The following USP34 variants were observed in gnomAD, a reference collection of about 807,000 sequenced individuals.
The protein encoded by USP34 is ubiquitin carboxyl-terminal hydrolase 34.
A neutral mutation model predicts 460.3 loss-of-function variants in USP34; 70 were observed. That is an observed-to-expected ratio of 0.15 (90% CI 0.13 to 0.19). USP34 has a LOEUF of 0.19. Among genes scored for constraint, USP34 ranks in the 10% least tolerant of loss-of-function variants. The pLI is 1.00. For synonymous variants in USP34, 1,647 were observed against 1,405.3 expected, an observed-to-expected ratio of 1.17 and a Z score of -3.85; for missense variants, 3,985 against 4,236.2, an observed-to-expected ratio of 0.94 and a Z score of 1.65.
intron 10 of USP34, among the ~76,000 whole-genome samples, chr2:61,359,169 C>CA (rs1692197272): frequency 6.7e-6 from 1 of 149,764 alleles, no homozygotes; most frequent in South Asian, 2.1e-4. Context: ...TTGAAACTTG[C>CA]AAAAAGAAAA....
rs1688735167 is a variant in USP34, at chr2:61,256,815, C to T, written c.6126+58G>A. On this transcript the variant is annotated intron_variant, in intron 47 of 79. Coordinates refer to ENST00000398571, the MANE Select transcript of USP34 (RefSeq NM_014709.4). ...AATATCAAGATGACCAACACAAACCCGCTATACACAAATAGGTAAAAGCAT... is the reference window on the plus strand; with the variant it reads ...AATATCAAGATGACCAACACAAACCTGCTATACACAAATAGGTAAAAGCAT... The T allele has an allele frequency of 4.5e-5, 59 of 1,306,654 alleles. 1 individual carries two copies. The South Asian group carries it at 6.0e-4, about 13-fold the overall frequency. 80.9% of individuals were successfully genotyped at this position (1,306,654 alleles called of 1,614,324 possible). A position where few individuals can be genotyped will look rare whatever the true frequency, so the allele number is the denominator to read the frequency against.
At chr2:61,282,089 A>C (rs1309432099) in intron 37 of USP34, among the ~76,000 whole-genome samples, 4 of 152,172 alleles carry the variant, frequency 2.6e-5, no homozygotes, top group African/African-American at 9.6e-5. Context: ...TCCTGGGTTC[A>C]AGCGATTCTC....
chr2:61,365,982 C>T (rs1692427283), intron 10 of USP34, among the ~76,000 whole-genome samples: 1 of 106,812 alleles, frequency 9.4e-6, no homozygotes, highest in Admixed American at 1.1e-4. Context: ...GACACAGTCT[C>T]ACTCTGCTGC....
At position 61,311,858 on chromosome 2, in the gene USP34, GACT is replaced by G. The variant is rs767906679; in HGVS notation, c.3592_3594del (p.Ser1198del). 6.2e-7 allele frequency: 1 copy of G among 1,613,980 alleles called. No individual in the cohort carries two copies. The highest frequency in any genetic ancestry group is 8.5e-7 in the Non-Finnish European group (1 of 1,179,934). ...TGTTTGTCACTCAGTGCTTTCAAAT[GACT>G]ACTAATACCAGTGCCTTCAATTTGC... On this transcript the variant is annotated inframe_deletion, in exon 26 of 80. Coordinates refer to ENST00000398571, the MANE Select transcript of USP34 (RefSeq NM_014709.4).
intron 10 of USP34, among the ~76,000 whole-genome samples, chr2:61,353,104 G>A (rs778276233): frequency 2.0e-4 from 30 of 152,286 alleles, no homozygotes; most frequent in Non-Finnish European, 3.4e-4. Context: ...AGGCAGCTAC[G>A]GAGACAACAA....
intron 50 of USP34, among the ~76,000 whole-genome samples, chr2:61,245,653 T>C (rs1688399444): frequency 6.6e-6 from 1 of 152,018 alleles, no homozygotes; most frequent in Admixed American, 6.6e-5. Context: ...AAAATATACT[T>C]ATGGAAACAT....
At chr2:61,252,574 T>G (rs572593914) in intron 48 of USP34, among the ~76,000 whole-genome samples, 64 of 152,350 alleles carry the variant, frequency 4.2e-4, no homozygotes, top group African/African-American at 1.5e-3. Flanking sequence ...AGAATTTATT[T>G]AAACCAAGAA....
intron 41 of USP34, among the ~76,000 whole-genome samples, chr2:61,267,064 A>T (rs1253579495): frequency 2.6e-5 from 4 of 152,212 alleles, no homozygotes; most frequent in Admixed American, 1.3e-4. Context: ...TTGGTATACA[A>T]TACATCACAT....
chr2:61,454,906 T>G (rs1573061234), intron 1 of USP34, among the ~76,000 whole-genome samples: 1 of 135,016 alleles, frequency 7.4e-6, no homozygotes. Context: ...TTGAGATGAG[T>G]CTCACTAGTC....
intron 23 of USP34, among the ~76,000 whole-genome samples, chr2:61,317,220 CT>C (rs1330524030): frequency 6.6e-6 from 1 of 152,108 alleles, no homozygotes; most frequent in Non-Finnish European, 1.5e-5. Flanking sequence ...CTTCATAAAA[CT>C]TTTGAAACCA....
At chr2:61,190,857 C>CAGTAATTTAGATTTTCATACAG in intron 76 of USP34, 199 bp from the exon 77 acceptor site, 1 of 550,798 alleles carries the variant, frequency 1.8e-6, no homozygotes, top group Non-Finnish European at 3.0e-6. Flanking sequence ...TAAAATGTTA[C>CAGTAATTTAGATTTTCATACAG]TAATTTAGAT....
At chr2:61,334,709 A>G (rs975378851) in intron 18 of USP34, among the ~76,000 whole-genome samples, 2 of 152,198 alleles carry the variant, frequency 1.3e-5, no homozygotes, top group African/African-American at 2.4e-5. Flanking sequence ...CGTTAGAGAA[A>G]TAAGACGCCA....
At chr2:61,385,301 C>G (rs1490103757) in intron 5 of USP34, among the ~76,000 whole-genome samples, 1 of 152,096 alleles carries the variant, frequency 6.6e-6, no homozygotes, top group Non-Finnish European at 1.5e-5. Context: ...TCTATAGATT[C>G]AGTACAATCC....
At chr2:61,232,217 G>A (rs751325549) in intron 58 of USP34, among the ~76,000 whole-genome samples, 7 of 152,124 alleles carry the variant, frequency 4.6e-5, no homozygotes, top group Non-Finnish European at 8.8e-5. Flanking sequence ...GGAAATTACA[G>A]TCAATCTTCC....
At chr2:61,279,854 T>C (rs1367388873) in intron 39 of USP34, among the ~76,000 whole-genome samples, 2 of 152,242 alleles carry the variant, frequency 1.3e-5, no homozygotes, top group East Asian at 3.8e-4. Context: ...AAACTGACAG[T>C]GTTTCTTTAA....
At chr2:61,401,444 C>T (rs953474835) in intron 3 of USP34, among the ~76,000 whole-genome samples, 5 of 151,282 alleles carry the variant, frequency 3.3e-5, no homozygotes, top group East Asian at 3.9e-4. Context: ...TGCTATGTTG[C>T]CCAGCCTAGA....
chr2:61,432,948 G>T (rs1363559184), intron 1 of USP34, among the ~76,000 whole-genome samples: 1 of 152,140 alleles, frequency 6.6e-6, no homozygotes, highest in Admixed American at 6.5e-5. Flanking sequence ...TAAGATATTA[G>T]TTACAATAGG....
chr2:61,243,764 G>A (rs1297859513), intron 51 of USP34, among the ~76,000 whole-genome samples: 4 of 151,352 alleles, frequency 2.6e-5, no homozygotes, highest in Admixed American at 1.3e-4. Flanking sequence ...CCAGCTATTC[G>A]GGAGGCCGAG....
At chr2:61,393,927 G>C (rs1693434673) in intron 5 of USP34, among the ~76,000 whole-genome samples, 1 of 152,104 alleles carries the variant, frequency 6.6e-6, no homozygotes, top group Non-Finnish European at 1.5e-5. Context: ...CATGAGGTCA[G>C]GAGTTTGAGA....
Sources: gnomAD v4.1 joint callset for allele counts (sites outside exome capture counted in the v4.1 genomes callset) on GRCh38, gnomAD v4.1.1 for gene constraint, MANE v1.5 for transcripts, NCBI Gene and HGNC (gene_info 2026-07-23, HGNC 2026-07-21) for gene names.